ZBTB41: variants seen among roughly 807,000 people sequenced by gnomAD.
ZBTB41 encodes zinc finger and BTB domain containing 41, also known as zinc finger and BTB domain-containing protein 41.
ZBTB41 carries 42 observed loss-of-function variants against 87.6 expected under a neutral mutation model. The ratio of observed to expected loss-of-function variants is 0.48; its 90% CI spans 0.37 to 0.62. The LOEUF (loss-of-function observed/expected upper bound fraction) is 0.62. Ranked by LOEUF, ZBTB41 falls within the 20% of genes least tolerant of loss-of-function variation. The pLI is 0.00. For synonymous variants in ZBTB41, 364 were observed against 364.0 expected, an observed-to-expected ratio of 1.00 and a Z score of 0.00; for missense variants, 799 against 1,078.9, an observed-to-expected ratio of 0.74 and a Z score of 3.63.
At position 197,181,648 on chromosome 1, in the gene ZBTB41, G is replaced by A. The variant is rs557223106; in HGVS notation, c.1547-531C>T. ...AAAATATAAGAAAGACAAAGAATGC[G>A]TAAAAAAGAAGTTTAGTAAATACAG... On this transcript the variant is annotated intron_variant, in intron 5 of 10. Transcript: ENST00000367405. Among the ~76,000 whole-genome samples the A allele has an allele frequency of 1.2e-4, 19 of 152,072 alleles. No homozygotes were observed. In the South Asian group the frequency reaches 3.9e-3, roughly 32 times the overall value.
chr1:197,179,684 G>T (rs1199313306), intron 6 of ZBTB41, among the ~76,000 whole-genome samples: 2 of 152,006 alleles, frequency 1.3e-5, no homozygotes, highest in African/African-American at 4.8e-5. Flanking sequence ...CAGTGATATT[G>T]ATGATCCTGA....
intron 5 of ZBTB41, among the ~76,000 whole-genome samples, chr1:197,186,821 G>A (rs150519105): frequency 3.3e-5 from 5 of 151,818 alleles, no homozygotes; most frequent in African/African-American, 7.3e-5. Context: ...CCAAGATTGC[G>A]CCATTACACT....
Position 197,155,243 on chromosome 1 carries a change from T to A in ZBTB41, c.*4116A>T, listed in dbSNP as rs1186193395. ...CAACAGAGATTTTTAAAATGATATA[T>A]AAATCATAAAAACAAATATTCACAC... On this transcript the variant is annotated 3_prime_UTR_variant, in exon 11 of 11. Transcript: ENST00000367405. 1 of 151,754 alleles carries A rather than the reference T, an allele frequency of 6.6e-6. No individual in the cohort carries two copies. The highest frequency in any genetic ancestry group is 2.1e-4 in the South Asian group (1 of 4,810). 9.4% of individuals were successfully genotyped at this position (151,754 alleles called of 1,614,324 possible). A position where few individuals can be genotyped will look rare whatever the true frequency, so the allele number is the denominator to read the frequency against.
Position 197,156,308 on chromosome 1 carries a change from A to C in ZBTB41, c.*3051T>G, listed in dbSNP as rs1659066938. ...AATTTAAAGTCTTTTAAACTATTTA[A>C]TACCTACTAAAAATCTTTGGTGCAT... On this transcript the variant is annotated 3_prime_UTR_variant, in exon 11 of 11. Coordinates refer to ENST00000367405, the MANE Select transcript of ZBTB41 (RefSeq NM_194314.3). 6.6e-6 allele frequency: 1 copy of C among 152,228 alleles called. No individual in the cohort carries two copies. Among genetic ancestry groups the C allele is most frequent in the Admixed American group, 6.6e-5 (1 of 15,218 alleles). The allele number at this position is 152,228 out of a possible 1,614,324, so 9.4% of individuals were successfully genotyped here. A position where few individuals can be genotyped will look rare whatever the true frequency, so the allele number is the denominator to read the frequency against.
intron 10 of ZBTB41, among the ~76,000 whole-genome samples, chr1:197,171,365 A>G (rs1369944882): frequency 1.3e-5 from 2 of 152,080 alleles, no homozygotes; most frequent in African/African-American, 4.8e-5. Flanking sequence ...AATATTGCCC[A>G]AATTCAGTTA....
chr1:197,190,813 T>G lies in ZBTB41; in HGVS notation c.1347A>C (p.Ala449=). The G allele has an allele frequency of 1.9e-6, 3 of 1,589,522 alleles. No individual in the cohort carries two copies. Among genetic ancestry groups the G allele is most frequent in the Non-Finnish European group, 2.6e-6 (3 of 1,164,494 alleles). Residue 449 remains alanine (A), a synonymous_variant, in exon 4 of 11, where the codon GCA becomes GCC. Coordinates refer to ENST00000367405, the MANE Select transcript of ZBTB41 (RefSeq NM_194314.3). ...TCTTCTTAATGGAAATAAATTCTTG[T>G]GCATTTTCAGGATGAAATCTATCAG... ...KHVKRFHPEN[A]QEFISIKKTK... is the part of the protein sequence containing the mutation.
intron 10 of ZBTB41, among the ~76,000 whole-genome samples, chr1:197,167,420 C>T (rs916730520): frequency 1.4e-4 from 21 of 152,100 alleles, no homozygotes; most frequent in African/African-American, 4.8e-4. Context: ...GTCTTGAACT[C>T]CTGGGCTCAA....
chr1:197,154,769 C>T lies in ZBTB41; in HGVS notation c.*4590G>A, dbSNP rs1435379553. On this transcript the variant is annotated 3_prime_UTR_variant, in exon 11 of 11. Transcript: ENST00000367405. ...GAAGAACTGTCTAGTTTCTAGAAGT[C>T]GTTTAGAAAATTATTCTCACATTAT... 3 of 152,426 alleles carry T rather than the reference C, an allele frequency of 2.0e-5. No individual in the cohort carries two copies. The highest frequency in any genetic ancestry group is 4.8e-5 in the African/African-American group (2 of 41,416). 9.4% of individuals were successfully genotyped at this position (152,426 alleles called of 1,614,324 possible).
At chr1:197,189,928 GT>G (rs1372773542) in intron 4 of ZBTB41, among the ~76,000 whole-genome samples, 2 of 151,598 alleles carry the variant, frequency 1.3e-5, no homozygotes, top group Non-Finnish European at 2.9e-5. Flanking sequence ...GGGCCACTTT[GT>G]TTTTTTTGAG....
At chr1:197,160,968 C>T (rs1300818827) in intron 10 of ZBTB41, among the ~76,000 whole-genome samples, 1 of 152,078 alleles carries the variant, frequency 6.6e-6, no homozygotes, top group African/African-American at 2.4e-5. Context: ...ATAAGGAATG[C>T]TGCGGCCACT....
intron 5 of ZBTB41, 68 bp from the exon 6 acceptor site, chr1:197,181,185 G>T: frequency 6.9e-7 from 1 of 1,440,814 alleles, no homozygotes; most frequent in Non-Finnish European, 9.2e-7. Flanking sequence ...AATTTAATAG[G>T]TATGCTGTAA....
intron 10 of ZBTB41, among the ~76,000 whole-genome samples, chr1:197,164,663 T>C (rs1453636256): frequency 1.4e-5 from 2 of 143,704 alleles, no homozygotes; most frequent in African/African-American, 5.0e-5. Flanking sequence ...ATGACTAATA[T>C]ATATCTAATA....
At chr1:197,174,919 C>A in intron 9 of ZBTB41, 91 bp downstream of exon 9, 1 of 949,588 alleles carries the variant, frequency 1.1e-6, no homozygotes, top group Non-Finnish European at 1.6e-6. Flanking sequence ...GTTAACCTAA[C>A]TTCAATTAAA....
intron 6 of ZBTB41, 29 bp downstream of exon 6, chr1:197,180,959 T>C (rs1659731151): frequency 6.3e-7 from 1 of 1,576,860 alleles, no homozygotes; most frequent in African/African-American, 1.4e-5. Flanking sequence ...AGTACTAGGA[T>C]TTTTGTGGGT....
At chr1:197,170,910 TG>T (rs1659462372) in intron 10 of ZBTB41, among the ~76,000 whole-genome samples, 1 of 152,170 alleles carries the variant, frequency 6.6e-6, no homozygotes, top group Non-Finnish European at 1.5e-5. Context: ...CCATAGTCTT[TG>T]TCTTATTCCA....
chr1:197,172,048 A>G, intron 10 of ZBTB41, 112 bp downstream of exon 10: 3 of 391,088 alleles, frequency 7.7e-6, no homozygotes, highest in South Asian at 1.3e-4. Flanking sequence ...GGGAAAACCA[A>G]AGAAATTTAA....
At chr1:197,178,371 T>C in intron 7 of ZBTB41, 46 bp downstream of exon 7, 1 of 1,280,812 alleles carries the variant, frequency 7.8e-7, no homozygotes, top group Non-Finnish European at 1.1e-6. Flanking sequence ...AAAATAGAGA[T>C]ATAATTCTAT....
chr1:197,173,274 C>T (rs78251857), intron 9 of ZBTB41, among the ~76,000 whole-genome samples: 3,099 of 152,160 alleles, frequency 0.02, 111 homozygotes, highest in African/African-American at 0.071. Context: ...GTTACCAATA[C>T]GAAATACCAA....
intron 5 of ZBTB41, among the ~76,000 whole-genome samples, chr1:197,185,094 G>A (rs1026893640): frequency 5.3e-5 from 8 of 152,124 alleles, no homozygotes; most frequent in African/African-American, 1.7e-4. Context: ...CATTACAGGC[G>A]TGAGTCACCG....
Sources: gnomAD v4.1 joint callset for allele counts (sites outside exome capture counted in the v4.1 genomes callset) on GRCh38, gnomAD v4.1.1 for gene constraint, MANE v1.5 for transcripts, NCBI Gene and HGNC (gene_info 2026-07-23, HGNC 2026-07-21) for gene names.